The following XRN1 variants were observed in gnomAD, a reference collection of about 807,000 sequenced individuals.
The protein encoded by XRN1 is 5'-3' exoribonuclease 1.
In XRN1, 67 loss-of-function variants were observed where a neutral mutation model predicts 222.3. That is an observed-to-expected ratio of 0.30 (90% confidence interval 0.25 to 0.37). XRN1 has a LOEUF of 0.37. Ranked by LOEUF, XRN1 falls within the 10% of genes least tolerant of loss-of-function variation. The pLI is 1.00. For missense variants in XRN1, 1,707 were observed against 2,000.2 expected (o/e 0.85, Z 2.80); for synonymous variants, 643 against 652.4 (o/e 0.99, Z 0.22).
At chr3:142,385,168 C>A (rs1362581955) in intron 20 of XRN1, among the ~76,000 whole-genome samples, 1 of 152,098 alleles carries the variant, frequency 6.6e-6, no homozygotes, top group Non-Finnish European at 1.5e-5. Flanking sequence ...AATATTGATA[C>A]ACAAATGATC....
At chr3:142,376,081 AT>A in intron 24 of XRN1, 137 bp from the exon 25 acceptor site, 1 of 1,350,274 alleles carries the variant, frequency 7.4e-7, no homozygotes, top group South Asian at 1.9e-5. Context: ...ATTCTTCTAT[AT>A]TTTAGTTATT....
At position 142,375,801 on chromosome 3, in the gene XRN1, T is replaced by C. The variant is rs1458360326; in HGVS notation, c.2975A>G (p.Glu992Gly). The C allele has an allele frequency of 5.0e-6, 8 of 1,613,194 alleles. No individual in the cohort carries two copies. The highest frequency in any genetic ancestry group is 6.8e-6 in the Non-Finnish European group (8 of 1,179,548). ...TAGTATCTTATTATGTACTTACCTC[T>C]CTAAGTACTCTGCCAGAAGTTGTTC... ...AAEQLLAEYL[E>G]RAPELFSYIA... Residue 992 changes from glutamate (E) to glycine (G), a missense_variant, in exon 25 of 41, where the codon GAG becomes GGG. Glu to Gly is a moderately conservative substitution (Grantham distance 98). Around this residue, in one of 2 missense-constraint regions of XRN1, gnomAD observed 1,234 missense variants for 1,518.2 expected, o/e 0.81. Coordinates refer to ENST00000392981, the MANE Select transcript of XRN1 (RefSeq NM_001282857.2).
rs2107852823 is a variant in XRN1 at position 142,315,119 on chromosome 3, A to C, written c.4622-2361T>G. 2.0e-5 allele frequency among the ~76,000 whole-genome samples: 3 copies of C among 151,630 alleles called. No individual in the cohort carries two copies. The South Asian group carries it at 6.3e-4, about 32-fold the overall frequency. ...TCAGCTAATTTTTTCCATCTTTTGT[A>C]GCAGTAAGGTCTCCCTATGTTGCCT... On this transcript the variant is annotated intron_variant, in intron 39 of 40. Transcript: ENST00000392981.
intron 36 of XRN1, among the ~76,000 whole-genome samples, chr3:142,329,852 C>A (rs1397190933): frequency 6.6e-6 from 1 of 152,124 alleles, no homozygotes; most frequent in African/African-American, 2.4e-5. Flanking sequence ...CTTCAGTGGT[C>A]CTCTGGCCAC....
chr3:142,360,777 G>C (rs1351186833), intron 29 of XRN1, among the ~76,000 whole-genome samples: 2 of 151,542 alleles, frequency 1.3e-5, no homozygotes, highest in Non-Finnish European at 2.9e-5. Flanking sequence ...GGGAGGCTGA[G>C]GCAGGAGAAT....
chr3:142,316,177 A>G (rs1020730515), intron 39 of XRN1, among the ~76,000 whole-genome samples: 2 of 151,352 alleles, frequency 1.3e-5, no homozygotes, highest in Non-Finnish European at 2.9e-5. Flanking sequence ...ATTTTCTTGT[A>G]AAACCTTTTG....
At chr3:142,403,379 G>A (rs145701010) in intron 18 of XRN1, among the ~76,000 whole-genome samples, 1 of 152,152 alleles carries the variant, frequency 6.6e-6, no homozygotes, top group Admixed American at 6.5e-5. Context: ...GTCCTAACCT[G>A]TTTTTCAGTC....
At chr3:142,389,324 C>G (rs1328972834) in intron 20 of XRN1, among the ~76,000 whole-genome samples, 1 of 151,630 alleles carries the variant, frequency 6.6e-6, no homozygotes, top group Non-Finnish European at 1.5e-5. Context: ...TTTTTTTTTG[C>G]TATTTCCACC....
chr3:142,391,868 A>C (rs748170320), intron 20 of XRN1, among the ~76,000 whole-genome samples: 84 of 151,450 alleles, frequency 5.5e-4, no homozygotes, highest in Non-Finnish European at 8.5e-4. Flanking sequence ...TTTTACAGCA[A>C]TGCATTATAT....
rs780589438 is a variant in XRN1 at position 142,397,297 on chromosome 3, C to G, written c.2339+32G>C. The G allele has an allele frequency of 2.1e-5, 32 of 1,529,782 alleles. No individual in the cohort carries two copies. The Admixed American group carries it at 6.6e-4, about 31-fold the overall frequency. 94.8% of individuals were successfully genotyped at this position (1,529,782 alleles called of 1,614,324 possible). A position where few individuals can be genotyped will look rare whatever the true frequency, so the allele number is the denominator to read the frequency against. On this transcript the variant is annotated intron_variant, in intron 20 of 40. Transcript: ENST00000392981. ...GAGTACATTAAAACGGATTTTAGTTCCATGATATTAAATACTTTTAACGAT... is the reference window on the plus strand; with the variant it reads ...GAGTACATTAAAACGGATTTTAGTTGCATGATATTAAATACTTTTAACGAT...
intron 37 of XRN1, among the ~76,000 whole-genome samples, chr3:142,323,734 T>C (rs1255990555): frequency 6.6e-6 from 1 of 152,104 alleles, no homozygotes; most frequent in Admixed American, 6.5e-5. Flanking sequence ...TCCTAGCACT[T>C]TGGGAAGCCA....
In XRN1 at chr3:142,404,960, G is replaced by T. The variant is rs767137729; in HGVS notation, c.1830C>A (p.Ile610=). 6 of 1,613,894 alleles carry T rather than the reference G, an allele frequency of 3.7e-6. No individual in the cohort carries two copies. Among genetic ancestry groups the T allele is most frequent in the Non-Finnish European group, 5.1e-6 (6 of 1,179,922 alleles). Residue 610 remains isoleucine (I), a synonymous_variant, in exon 16 of 41, where the codon ATC becomes ATA. Coordinates refer to ENST00000392981, the MANE Select transcript of XRN1 (RefSeq NM_001282857.2). ...MCWYDRDTEF[I]YPSPWPEKFP... ...ACTTTTCTGGCCATGGAGAAGGATA[G>T]ATAAACTCTGTGTCTCTATCATACC...
intron 23 of XRN1, among the ~76,000 whole-genome samples, chr3:142,377,426 G>T (rs1399324983): frequency 6.6e-6 from 1 of 152,130 alleles, no homozygotes. Flanking sequence ...AATTAAGGTA[G>T]TAGGTCTCAA....
chr3:142,373,047 CTT>C (rs1411319790), intron 25 of XRN1, among the ~76,000 whole-genome samples: 1 of 152,038 alleles, frequency 6.6e-6, no homozygotes, highest in Non-Finnish European at 1.5e-5. Flanking sequence ...AACAACAAAA[CTT>C]TAACACTGCA....
chr3:142,372,748 T>C (rs367902320), intron 25 of XRN1, among the ~76,000 whole-genome samples: 3 of 152,204 alleles, frequency 2.0e-5, no homozygotes, highest in African/African-American at 7.2e-5. Flanking sequence ...TATCACAGTA[T>C]CCACTTGGTA....
At chr3:142,357,770 C>G (rs1222486335) in intron 30 of XRN1, among the ~76,000 whole-genome samples, 2 of 151,786 alleles carry the variant, frequency 1.3e-5, no homozygotes, top group Non-Finnish European at 2.9e-5. Context: ...GTGGTTCATG[C>G]CTGTAATCCC....
intron 2 of XRN1, among the ~76,000 whole-genome samples, chr3:142,431,891 TA>T (rs1297591368): frequency 8.0e-4 from 28 of 35,112 alleles, no homozygotes; most frequent in South Asian, 1.4e-3. Context: ...ATATTATATA[TA>T]ATATATATAT....
chr3:142,364,214 C>T (rs889956990), intron 29 of XRN1, among the ~76,000 whole-genome samples: 22 of 152,200 alleles, frequency 1.4e-4, no homozygotes, highest in African/African-American at 4.8e-4. Context: ...CAGCTAGTGG[C>T]CCGTCTGTTC....
Position 142,421,082 on chromosome 3 carries a change from G to A in XRN1, c.1107C>T (p.Tyr369=), listed in dbSNP as rs778369653. The change falls in exon 10 of 41, where the codon TAC becomes TAT. Residue 369 remains tyrosine (Y), a synonymous_variant. Transcript: ENST00000392981. ...CTGCGACACCTGCTGCTTCATTGAG[G>A]TACTTGTTACCAACTTTGCTTTCAA... The part of the protein sequence containing the change: ...KWFESKVGNK[Y]LNEAAGVAAE... The A allele has an allele frequency of 1.2e-6, 2 of 1,613,950 alleles. No individual in the cohort carries two copies. Among genetic ancestry groups the A allele is most frequent in the South Asian group, 1.1e-5 (1 of 91,070 alleles).
Sources: gnomAD v4.1 joint callset for allele counts (sites outside exome capture counted in the v4.1 genomes callset) on GRCh38, gnomAD v4.1.1 for gene constraint, gnomAD v4.1.1 regional missense constraint, MANE v1.5 for transcripts, NCBI Gene and HGNC (gene_info 2026-07-23, HGNC 2026-07-21) for gene names.